Variants in RAB38 observed in about 807,000 individuals in gnomAD.
The protein encoded by RAB38 is ras-related protein Rab-38.
A neutral mutation model predicts 18.4 loss-of-function variants in RAB38; 15 were observed. The observed-to-expected ratio is 0.82, with a 90% confidence interval of 0.55 to 1.26. The LOEUF (loss-of-function observed/expected upper bound fraction) is 1.26, where lower values mean the gene tolerates loss of function less well. Ranked by LOEUF, RAB38 falls within the 50% of genes most tolerant of loss-of-function variation. The probability of loss-of-function intolerance (pLI) is 0.00; values close to 1 mark genes in which losing one functional copy is unlikely to be tolerated. For missense variants in RAB38, 294 were observed against 267.4 expected, an observed-to-expected ratio of 1.10 and a Z score of -0.69; for synonymous variants, 101 against 104.4, an observed-to-expected ratio of 0.97 and a Z score of 0.20.
chr11:87,818,620 AG>A, the RAB38 span, among the ~76,000 whole-genome samples: 1 of 152,192 alleles, frequency 6.6e-6, no homozygotes, highest in Non-Finnish European at 1.5e-5. Flanking sequence ...AATAAGCATT[AG>A]GGTCAGATAG....
At chr11:88,051,001 A>T in the RAB38 span, among the ~76,000 whole-genome samples, 3 of 152,216 alleles carry the variant, frequency 2.0e-5, no homozygotes, top group Admixed American at 1.3e-4. Context: ...GCTGGGTAGT[A>T]AAGTGCAGAG....
At chr11:87,922,893 A>AGGG in the RAB38 span, among the ~76,000 whole-genome samples, 1 of 150,334 alleles carries the variant, frequency 6.7e-6, no homozygotes, top group Non-Finnish European at 1.5e-5. Context: ...GGGAGATGGA[A>AGGG]GGGGGAAGGG....
the RAB38 span, among the ~76,000 whole-genome samples, chr11:88,013,447 T>G: frequency 0.77 from 117,138 of 152,056 alleles, 45,636 homozygotes; most frequent in African/African-American, 0.88. Flanking sequence ...TGTTTTTGTT[T>G]TTTTTTGCCA....
downstream of RAB38, among the ~76,000 whole-genome samples, chr11:88,110,583 C>G (rs1012109993): frequency 6.6e-6 from 1 of 151,970 alleles, no homozygotes; most frequent in East Asian, 1.9e-4. Context: ...CGTTGGGAGG[C>G]CGAGGTGGGC....
At chr11:88,132,185 C>G (rs7395395) in intron 2 of RAB38, among the ~76,000 whole-genome samples, 2 of 152,104 alleles carry the variant, frequency 1.3e-5, no homozygotes, top group Admixed American at 6.5e-5. Context: ...GTGTGTTATT[C>G]TAAGCTGTCA....
chr11:88,019,438 T>G, the RAB38 span, among the ~76,000 whole-genome samples: 1 of 152,230 alleles, frequency 6.6e-6, no homozygotes, highest in Non-Finnish European at 1.5e-5. Flanking sequence ...GCATAATGGT[T>G]GCCAGGACCC....
At chr11:88,032,786 A>C in the RAB38 span, among the ~76,000 whole-genome samples, 1 of 152,232 alleles carries the variant, frequency 6.6e-6, no homozygotes, top group African/African-American at 2.4e-5. Flanking sequence ...GTGGGACTGT[A>C]AACTAGTTCA....
the RAB38 span, among the ~76,000 whole-genome samples, chr11:88,026,330 G>A: frequency 1.9e-4 from 29 of 151,928 alleles, no homozygotes; most frequent in African/African-American, 4.1e-4. Context: ...TTGAGAGGCC[G>A]AAGCTGGCGG....
chr11:87,890,680 C>G, the RAB38 span, among the ~76,000 whole-genome samples: 1 of 151,838 alleles, frequency 6.6e-6, no homozygotes, highest in East Asian at 2.0e-4. Context: ...TCCTGCCACT[C>G]CCTGAATCAT....
At chr11:87,822,033 A>G in the RAB38 span, among the ~76,000 whole-genome samples, 3 of 152,074 alleles carry the variant, frequency 2.0e-5, no homozygotes, top group Non-Finnish European at 4.4e-5. Flanking sequence ...GCCTCTTCTA[A>G]TTACTGCAGT....
At chr11:88,126,929 C>G (rs1942704145) in intron 2 of RAB38, among the ~76,000 whole-genome samples, 2 of 152,106 alleles carry the variant, frequency 1.3e-5, no homozygotes, top group African/African-American at 4.8e-5. Flanking sequence ...GAAAATAAAG[C>G]ACTTGGAAAA....
chr11:88,153,270 A>T, intron 1 of RAB38, among the ~76,000 whole-genome samples: 1 of 152,202 alleles, frequency 6.6e-6, no homozygotes, highest in East Asian at 1.9e-4. Flanking sequence ...GATTAAATCA[A>T]ACTTTGGCCC....
chr11:87,975,812 TAATA>T, the RAB38 span, among the ~76,000 whole-genome samples: 1 of 151,400 alleles, frequency 6.6e-6, no homozygotes, highest in Middle Eastern at 3.4e-3. Flanking sequence ...CTCAAAAGAA[TAATA>T]AATTGATACA....
At chr11:87,944,535 C>G in the RAB38 span, among the ~76,000 whole-genome samples, 2 of 152,116 alleles carry the variant, frequency 1.3e-5, no homozygotes, top group Admixed American at 6.6e-5. Flanking sequence ...TTCTCTGTGC[C>G]TACTCTTCTC....
the RAB38 span, among the ~76,000 whole-genome samples, chr11:87,874,890 G>T: frequency 6.6e-6 from 1 of 151,240 alleles, no homozygotes; most frequent in Non-Finnish European, 1.5e-5. Flanking sequence ...TGGTATGGGG[G>T]TTCCTCAAAA....
intron 1 of RAB38, chr11:88,173,636 A>G: frequency 1.0e-6 from 1 of 985,454 alleles, no homozygotes; most frequent in Non-Finnish European, 1.2e-6. Flanking sequence ...CCGTTTCTAA[A>G]TCTGAATCCT....
chr11:88,038,406 C>T, the RAB38 span, among the ~76,000 whole-genome samples: 3 of 152,248 alleles, frequency 2.0e-5, no homozygotes, highest in East Asian at 3.9e-4. Context: ...GTATATTTTT[C>T]TCCATAATGT....
the RAB38 span, among the ~76,000 whole-genome samples, chr11:88,038,510 C>G: frequency 6.6e-6 from 1 of 152,138 alleles, no homozygotes; most frequent in African/African-American, 2.4e-5. Flanking sequence ...TCCAACTAGA[C>G]TGAGTTCTTT....
At chr11:88,126,569 A>G (rs796768353) in intron 2 of RAB38, among the ~76,000 whole-genome samples, 3 of 152,094 alleles carry the variant, frequency 2.0e-5, no homozygotes, top group African/African-American at 7.2e-5. Context: ...AGGGAGGGGG[A>G]AGGGATAGCA....
Sources: allele counts gnomAD v4.1 joint callset (sites outside exome capture counted in the v4.1 genomes callset), GRCh38; gene constraint gnomAD v4.1.1; transcripts MANE v1.5; gene names NCBI Gene and HGNC (gene_info 2026-07-23, HGNC 2026-07-21).